The following ZNF260 variants were observed in gnomAD, a reference collection of about 807,000 sequenced individuals.
The protein encoded by ZNF260 is zinc finger protein 260, also known as zfp-260.
A neutral mutation model predicts 29.3 loss-of-function variants in ZNF260; 21 were observed. The ratio of observed to expected loss-of-function variants is 0.72; its 90% CI spans 0.51 to 1.03. The LOEUF (loss-of-function observed/expected upper bound fraction) is 1.03. Among genes scored for constraint, ZNF260 ranks in the 50% least tolerant of loss-of-function variants. The probability of loss-of-function intolerance (pLI) is 0.00; values close to 1 mark genes in which losing one functional copy is unlikely to be tolerated. For synonymous variants in ZNF260, 156 were observed against 156.8 expected, an observed-to-expected ratio of 0.99 and a Z score of 0.04; for missense variants, 465 against 487.8, an observed-to-expected ratio of 0.95 and a Z score of 0.44.
At chr19:36,519,153 T>C (rs1011657275) in intron 2 of ZNF260, among the ~76,000 whole-genome samples, 4 of 152,184 alleles carry the variant, frequency 2.6e-5, no homozygotes, top group African/African-American at 9.7e-5. Context: ...TAACCATAAG[T>C]TACTTCCAAC....
At chr19:36,517,901 G>C (rs2034578693) in intron 2 of ZNF260, 1 of 154,740 alleles carries the variant, frequency 6.5e-6, no homozygotes, top group Non-Finnish European at 1.4e-5. Flanking sequence ...TGCGATCTCG[G>C]CTCACTGCAA....
At position 36,514,474 on chromosome 19, in the gene ZNF260, T is replaced by C. The variant is rs772964188; in HGVS notation, c.765A>G (p.Lys255=). ...TGAGATTTGACTTGCCACTGAAGGCTTTCCCACATTCCTTACACGTATAAG... is the reference window on the plus strand; with the variant it reads ...TGAGATTTGACTTGCCACTGAAGGCCTTCCCACATTCCTTACACGTATAAG... ...EKPYTCKECG[K]AFSGKSNLTE... Residue 255 remains lysine (K), a synonymous_variant, in exon 3 of 3, where the codon AAA becomes AAG. Transcript: ENST00000523638. The C allele has an allele frequency of 1.2e-5, 19 of 1,614,012 alleles. No homozygotes were observed. In the East Asian group the frequency reaches 2.0e-4, roughly 17 times the overall value.
chr19:36,514,035 G>A lies in ZNF260; in HGVS notation c.1204C>T (p.His402Tyr), dbSNP rs2034495305. The A allele has an allele frequency of 5.6e-6, 9 of 1,613,864 alleles. No homozygotes were observed. The highest frequency in any genetic ancestry group is 7.6e-6 in the Non-Finnish European group (9 of 1,179,868). Residue 402 changes from histidine (H) to tyrosine (Y), a missense_variant, in exon 3 of 3, where the codon CAT (histidine) becomes TAT (tyrosine). Physicochemically the swap from His to Tyr is moderately conservative, Grantham distance 83. Coordinates refer to ENST00000523638, the MANE Select transcript of ZNF260 (RefSeq NM_001166037.2). ...ECGKAFSQKS[H>Y]HIRHQRIHTH The stretch of plus-strand genomic sequence containing the variant: ...TGAATTCTCTGGTGTCTAATGTGAT[G>A]TGACTTTTGGCTGAAAGCTTTCCCA...
At position 36,513,604 on chromosome 19, in the gene ZNF260, G is replaced by C; in HGVS notation, c.*396C>G. The C allele has an allele frequency of 2.5e-6, 1 of 407,586 alleles. No homozygotes were observed. The allele number at this position is 407,586 out of a possible 1,614,324, so 25.2% of individuals were successfully genotyped here. On this transcript the variant is annotated 3_prime_UTR_variant, in exon 3 of 3. Transcript: ENST00000523638. Reference sequence around the variant, plus strand: ...GACTGCTTCAACAACAAATAATTTTGATGATTCTAGTTTTACAATTCATAT... The same window carrying C: ...GACTGCTTCAACAACAAATAATTTTCATGATTCTAGTTTTACAATTCATAT...
chr19:36,517,744 A>G (rs1369019787), intron 2 of ZNF260, among the ~76,000 whole-genome samples: 1 of 152,212 alleles, frequency 6.6e-6, no homozygotes, highest in African/African-American at 2.4e-5. Flanking sequence ...AAGTTTATAC[A>G]CATAACAGAG....
At chr19:36,517,745 C>T (rs960499219) in intron 2 of ZNF260, among the ~76,000 whole-genome samples, 3 of 152,132 alleles carry the variant, frequency 2.0e-5, no homozygotes, top group African/African-American at 4.8e-5. Context: ...AGTTTATACA[C>T]ATAACAGAGG....
chr19:36,519,650 C>T (rs2945988), intron 2 of ZNF260, among the ~76,000 whole-genome samples: 94,515 of 151,972 alleles, frequency 0.62, 29,956 homozygotes, highest in Non-Finnish European at 0.65. Context: ...TCAGCCCATA[C>T]AGTAGCCTGT....
At position 36,513,711 on chromosome 19, in the gene ZNF260, T is replaced by C. The variant is rs1226164931; in HGVS notation, c.*289A>G. ...CATCTCATATCTATTTCTTAATGCATCTGTAGGCCTTCCAGGAACACATTA... is the reference window on the plus strand; with the variant it reads ...CATCTCATATCTATTTCTTAATGCACCTGTAGGCCTTCCAGGAACACATTA... On this transcript the variant is annotated 3_prime_UTR_variant, in exon 3 of 3. Coordinates refer to ENST00000523638, the MANE Select transcript of ZNF260 (RefSeq NM_001166037.2). The C allele has an allele frequency of 2.2e-6, 1 of 446,018 alleles. No homozygotes were observed. Among genetic ancestry groups the C allele is most frequent in the African/African-American group, 2.0e-5 (1 of 50,958 alleles). 27.6% of individuals were successfully genotyped at this position (446,018 alleles called of 1,614,324 possible).
Position 36,515,273 on chromosome 19 carries a change from C to A in ZNF260, c.-35G>T. 1 of 1,496,000 alleles carries A rather than the reference C, an allele frequency of 6.7e-7. No homozygotes were observed. Among genetic ancestry groups the A allele is most frequent in the South Asian group, 1.4e-5 (1 of 71,578 alleles). The allele number at this position is 1,496,000 out of a possible 1,614,324, so 92.7% of individuals were successfully genotyped here. A position where few individuals can be genotyped will look rare whatever the true frequency, so the allele number is the denominator to read the frequency against. ...TTTAATCAGGAGATTTCCCTAGTAT[C>A]AAATAAGATGTAATAAGGATGAAAG... On this transcript the variant is annotated 5_prime_UTR_variant, in exon 3 of 3. The change abolishes the stop of an existing upstream ORF in the 5' untranslated region. Coordinates refer to ENST00000523638, the MANE Select transcript of ZNF260 (RefSeq NM_001166037.2).
Position 36,514,338 on chromosome 19 carries a change from C to G in ZNF260, c.901G>C (p.Glu301Gln). 6.2e-7 allele frequency: 1 copy of G among 1,614,044 alleles called. No homozygotes were observed. The highest frequency in any genetic ancestry group is 8.5e-7 in the Non-Finnish European group (1 of 1,179,986). The stretch of plus-strand genomic sequence containing the variant: ...CATTTATTACATTCATAGGGTTTCT[C>G]TCCTGTATGAATATTGTGATGTTTA... ...LIKHHNIHTGEKPYECNKCGK... is the reference protein window; with the variant it reads ...LIKHHNIHTGQKPYECNKCGK... The change falls in exon 3 of 3, where the codon GAG becomes CAG. Residue 301 changes from glutamate to glutamine, a missense_variant. By Grantham distance (29) the Glu-to-Gln change is conservative. Transcript: ENST00000523638.
At chr19:36,523,201 T>C (rs922340439) in intron 2 of ZNF260, among the ~76,000 whole-genome samples, 6 of 152,174 alleles carry the variant, frequency 3.9e-5, no homozygotes, top group African/African-American at 7.2e-5. Flanking sequence ...TTCAGTCAGA[T>C]TGCACACTCT....
intron 2 of ZNF260, among the ~76,000 whole-genome samples, chr19:36,522,186 G>A (rs1251498069): frequency 6.6e-6 from 1 of 152,108 alleles, no homozygotes; most frequent in Non-Finnish European, 1.5e-5. Flanking sequence ...CAGGCTCGGT[G>A]GCTCACGCCT....
chr19:36,521,145 G>T (rs993120018), intron 2 of ZNF260, among the ~76,000 whole-genome samples: 1 of 151,658 alleles, frequency 6.6e-6, no homozygotes, highest in South Asian at 2.1e-4. Flanking sequence ...CCCAAGGCAT[G>T]GATGGCTTAG....
At chr19:36,520,464 A>G (rs1008215098) in intron 2 of ZNF260, among the ~76,000 whole-genome samples, 2 of 152,090 alleles carry the variant, frequency 1.3e-5, no homozygotes, top group Non-Finnish European at 2.9e-5. Flanking sequence ...ATGCGAACTG[A>G]AACCAGAAAA....
At position 36,510,868 on chromosome 19, in the gene ZNF260, C is replaced by CT. The variant is rs1430505555; in HGVS notation, c.*3131dup. On this transcript the variant is annotated 3_prime_UTR_variant, in exon 3 of 3. Transcript: ENST00000523638. Reference sequence around the variant, plus strand: ...CTTTTTGCTGGGTCCAGGACCATGGCTAACTCATGGCACAAAAAGCTAGTC... The same window carrying CT: ...CTTTTTGCTGGGTCCAGGACCATGGCTTAACTCATGGCACAAAAAGCTAGTC... 2.0e-5 allele frequency: 3 copies of CT among 152,140 alleles called. No individual in the cohort carries two copies. The highest frequency in any genetic ancestry group is 4.4e-5 in the Non-Finnish European group (3 of 68,026). 9.4% of individuals were successfully genotyped at this position (152,140 alleles called of 1,614,324 possible).
intron 1 of ZNF260, among the ~76,000 whole-genome samples, chr19:36,527,313 AC>A (rs1218872455): frequency 6.6e-6 from 1 of 152,306 alleles, no homozygotes; most frequent in African/African-American, 2.4e-5. Flanking sequence ...ATATTTCAAA[AC>A]TATTAACCCT....
intron 1 of ZNF260, among the ~76,000 whole-genome samples, 190 bp from the exon 2 acceptor site, chr19:36,525,563 G>A (rs2034720093): frequency 6.6e-6 from 1 of 152,174 alleles, no homozygotes; most frequent in Non-Finnish European, 1.5e-5. Context: ...GAGGCAGGCA[G>A]ATCACTTGAG....
At position 36,513,198 on chromosome 19, in the gene ZNF260, T is replaced by C. The variant is rs1298440560; in HGVS notation, c.*802A>G. On this transcript the variant is annotated 3_prime_UTR_variant, in exon 3 of 3. Transcript: ENST00000523638. The stretch of plus-strand genomic sequence containing the variant: ...ATAGAGTTTGGTCCTATCTGGGTTT[T>C]AGGTATCCACTGGGGGTCTTAGAGT... 6.6e-6 allele frequency: 1 copy of C among 152,180 alleles called. No individual in the cohort carries two copies. The allele number at this position is 152,180 out of a possible 1,614,324, so 9.4% of individuals were successfully genotyped here. A position where few individuals can be genotyped will look rare whatever the true frequency, so the allele number is the denominator to read the frequency against.
Position 36,515,435 on chromosome 19 carries a change from T to G in ZNF260, c.-197A>C. 3.7e-6 allele frequency: 2 copies of G among 533,428 alleles called. No individual in the cohort carries two copies. Among genetic ancestry groups the G allele is most frequent in the Non-Finnish European group, 6.6e-6 (2 of 303,298 alleles). The allele number at this position is 533,428 out of a possible 1,614,324, so 33.0% of individuals were successfully genotyped here. A position where few individuals can be genotyped will look rare whatever the true frequency, so the allele number is the denominator to read the frequency against. ...GAGATGATTACAAAAAGGGATAAAA[T>G]GTAACATTCTCTTTATATTCTTAAT... On this transcript the variant is annotated 5_prime_UTR_variant, in exon 3 of 3. Transcript: ENST00000523638.
Sources: gnomAD v4.1 joint callset for allele counts (sites outside exome capture counted in the v4.1 genomes callset) on GRCh38, gnomAD v4.1.1 for gene constraint, MANE v1.5 for transcripts, NCBI Gene and HGNC (gene_info 2026-07-23, HGNC 2026-07-21) for gene names.